ATG10: variants seen among roughly 807,000 people sequenced by gnomAD.
ATG10 encodes the protein autophagy related 10, also known as ubiquitin-like-conjugating enzyme ATG10.
ATG10 carries 30 observed loss-of-function variants against 32.1 expected under a neutral mutation model. The observed-to-expected ratio is 0.94, with a 90% CI of 0.70 to 1.27. The LOEUF (loss-of-function observed/expected upper bound fraction) is 1.27, where lower values mean the gene tolerates loss of function less well. ATG10 is among the 50% of genes most tolerant of loss of function. The probability of loss-of-function intolerance (pLI) is 0.00; values close to 1 mark genes in which losing one functional copy is unlikely to be tolerated. For synonymous variants in ATG10, 87 were observed against 91.5 expected (o/e 0.95, Z 0.28); for missense variants, 233 against 262.3 (o/e 0.89, Z 0.77).
At chr5:82,247,029 T>C (rs1391954744) in intron 5 of ATG10, among the ~76,000 whole-genome samples, 1 of 152,214 alleles carries the variant, frequency 6.6e-6, no homozygotes, top group South Asian at 2.1e-4. Context: ...TTCCTCTTTA[T>C]GTGATGAGTC....
intron 5 of ATG10, among the ~76,000 whole-genome samples, chr5:82,178,959 G>C (rs1035106926): frequency 2.6e-5 from 4 of 152,100 alleles, no homozygotes; most frequent in Non-Finnish European, 4.4e-5. Flanking sequence ...AGTAGAAAAT[G>C]CATTTCATAC....
chr5:82,186,391 A>G (rs1206367774), intron 5 of ATG10, among the ~76,000 whole-genome samples: 1 of 152,010 alleles, frequency 6.6e-6, no homozygotes, highest in Non-Finnish European at 1.5e-5. Context: ...GCCACACTTT[A>G]TTGTCTCAGG....
At chr5:81,973,519 A>C (rs1485053972) in intron 1 of ATG10, among the ~76,000 whole-genome samples, 1 of 152,220 alleles carries the variant, frequency 6.6e-6, no homozygotes, top group East Asian at 1.9e-4. Context: ...GAGCACACTA[A>C]GCCATTCAGC....
intron 5 of ATG10, among the ~76,000 whole-genome samples, chr5:82,238,742 G>A (rs1176652764): frequency 6.6e-6 from 1 of 152,142 alleles, no homozygotes; most frequent in Non-Finnish European, 1.5e-5. Flanking sequence ...AGTATTCAGT[G>A]ATGTTTACTG....
intron 3 of ATG10, among the ~76,000 whole-genome samples, chr5:82,118,223 A>G (rs1158099158): frequency 6.6e-6 from 1 of 150,840 alleles, no homozygotes; most frequent in African/African-American, 2.4e-5. Flanking sequence ...TAATAGAAAA[A>G]ATTAATTACA....
intron 5 of ATG10, among the ~76,000 whole-genome samples, chr5:82,209,310 A>T (rs2149976179): frequency 6.6e-6 from 1 of 152,276 alleles, no homozygotes; most frequent in East Asian, 1.9e-4. Context: ...GTCTTCCACC[A>T]AAAATCGTAT....
intron 2 of ATG10, among the ~76,000 whole-genome samples, chr5:81,996,907 G>C (rs1332350495): frequency 6.6e-6 from 1 of 152,206 alleles, no homozygotes; most frequent in Non-Finnish European, 1.5e-5. Flanking sequence ...ACTTAGCAGA[G>C]TACCTGATAT....
intron 2 of ATG10, among the ~76,000 whole-genome samples, chr5:82,003,978 C>G (rs1761919906): frequency 6.6e-6 from 1 of 152,000 alleles, no homozygotes; most frequent in South Asian, 2.1e-4. Flanking sequence ...CATCTCTACT[C>G]AAAATACAAA....
chr5:82,154,620 G>A (rs1005474414), intron 3 of ATG10, among the ~76,000 whole-genome samples: 9 of 152,066 alleles, frequency 5.9e-5, no homozygotes, highest in Admixed American at 6.6e-5. Flanking sequence ...ATGCTTCTCT[G>A]AAGTCTATGT....
intron 5 of ATG10, among the ~76,000 whole-genome samples, chr5:82,215,928 T>TC (rs1363355805): frequency 7.2e-6 from 1 of 138,730 alleles, no homozygotes; most frequent in East Asian, 2.0e-4. Flanking sequence ...AGAGCGAAAC[T>TC]CCATCTCAAA....
intron 3 of ATG10, among the ~76,000 whole-genome samples, chr5:82,088,743 C>G (rs751151970): frequency 1.3e-5 from 2 of 152,148 alleles, no homozygotes; most frequent in Non-Finnish European, 2.9e-5. Flanking sequence ...GCCTTCAACT[C>G]AAAATACCCA....
At chr5:82,242,802 C>A in intron 5 of ATG10, 1 of 450,288 alleles carries the variant, frequency 2.2e-6, no homozygotes, top group Non-Finnish European at 4.4e-6. Flanking sequence ...TACAGATCTT[C>A]ACCAAGAGGT....
chr5:82,250,635 T>C (rs1313362617), intron 5 of ATG10, among the ~76,000 whole-genome samples: 3 of 152,166 alleles, frequency 2.0e-5, no homozygotes, highest in Non-Finnish European at 4.4e-5. Context: ...TCCAGAATCA[T>C]GTTACCCTGT....
At chr5:82,074,457 T>G (rs1428710822) in intron 3 of ATG10, among the ~76,000 whole-genome samples, 1 of 152,174 alleles carries the variant, frequency 6.6e-6, no homozygotes, top group Non-Finnish European at 1.5e-5. Flanking sequence ...CTAGTTTTAA[T>G]TTTGGACTTT....
rs1056080091 is a variant in ATG10 at position 82,164,627 on chromosome 5, A to G, written c.355+90A>G. The G allele has an allele frequency of 4.6e-6, 6 of 1,297,660 alleles. No homozygotes were observed. The African/African-American group carries it at 9.0e-5, about 19-fold the overall frequency. 80.4% of individuals were successfully genotyped at this position (1,297,660 alleles called of 1,614,324 possible). On this transcript the variant is annotated intron_variant, in intron 4 of 7. Transcript: ENST00000282185. ...TGGAAAATTATTCTCCAGAGGAAAA[A>G]AAATAGAGTTAAAAATGAGAAAACT...
chr5:82,181,745 T>A (rs1467248138), intron 5 of ATG10, among the ~76,000 whole-genome samples: 1 of 152,128 alleles, frequency 6.6e-6, no homozygotes, highest in East Asian at 1.9e-4. Flanking sequence ...TTCACTTCAT[T>A]TTCAGGCCTG....
chr5:82,114,323 A>G (rs934515755), intron 3 of ATG10, among the ~76,000 whole-genome samples: 2 of 152,026 alleles, frequency 1.3e-5, no homozygotes. Flanking sequence ...GCCATGGTAG[A>G]AGTGGAGAAA....
At chr5:82,045,216 A>T (rs1244902732) in intron 2 of ATG10, among the ~76,000 whole-genome samples, 2 of 152,078 alleles carry the variant, frequency 1.3e-5, no homozygotes, top group African/African-American at 2.4e-5. Context: ...CTATTTTGTT[A>T]TTCTATTATG....
chr5:82,187,308 C>G (rs979127094), intron 5 of ATG10, among the ~76,000 whole-genome samples: 1 of 151,828 alleles, frequency 6.6e-6, no homozygotes, highest in South Asian at 2.1e-4. Flanking sequence ...GTCAGGAGTT[C>G]GAGACCAGCC....
Sources: allele counts gnomAD v4.1 joint callset (sites outside exome capture counted in the v4.1 genomes callset), GRCh38; gene constraint gnomAD v4.1.1; transcripts MANE v1.5; gene names NCBI Gene and HGNC (gene_info 2026-07-23, HGNC 2026-07-21).